The following MAGI2 variants were observed in gnomAD, a reference collection of about 807,000 sequenced individuals.
MAGI2 encodes the protein membrane associated guanylate kinase, WW and PDZ domain containing 2.
A neutral mutation model predicts 133.3 loss-of-function variants in MAGI2; 35 were observed. That is an observed-to-expected ratio of 0.26 (90% CI 0.20 to 0.35). The LOEUF is 0.35. Among genes scored for constraint, MAGI2 ranks in the 10% least tolerant of loss-of-function variants. MAGI2 has a pLI of 1.00. For synonymous variants in MAGI2, 729 were observed against 710.6 expected (o/e 1.03, Z -0.41); for missense variants, 1,636 against 1,863.4 (o/e 0.88, Z 2.25).
At chr7:79,385,536 T>C (rs531107545) in intron 1 of MAGI2, among the ~76,000 whole-genome samples, 7 of 151,818 alleles carry the variant, frequency 4.6e-5, no homozygotes, top group Middle Eastern at 6.3e-3. Flanking sequence ...TCACACATTG[T>C]AGCAGAAAAA....
intron 1 of MAGI2, among the ~76,000 whole-genome samples, chr7:79,339,057 A>T (rs1840696091): frequency 6.6e-6 from 1 of 152,266 alleles, no homozygotes; most frequent in Middle Eastern, 3.4e-3. Context: ...TTTCTAGAAA[A>T]TAAGTACAAG....
At chr7:78,957,036 G>A (rs1431999190) in intron 2 of MAGI2, among the ~76,000 whole-genome samples, 1 of 151,958 alleles carries the variant, frequency 6.6e-6, no homozygotes, top group African/African-American at 2.4e-5. Flanking sequence ...GGCCGAGGTG[G>A]GTGGATCACC....
intron 1 of MAGI2, among the ~76,000 whole-genome samples, chr7:79,245,573 A>G (rs761921181): frequency 4.6e-5 from 7 of 152,182 alleles, no homozygotes; most frequent in African/African-American, 7.2e-5. Flanking sequence ...AATAATGGGA[A>G]GGACTTTATC....
At chr7:78,298,409 G>A (rs938960228) in intron 9 of MAGI2, among the ~76,000 whole-genome samples, 1 of 152,152 alleles carries the variant, frequency 6.6e-6, no homozygotes, top group Non-Finnish European at 1.5e-5. Context: ...GTTCATTAAG[G>A]GTAACAAATA....
At chr7:78,576,299 G>T (rs1168418656) in intron 3 of MAGI2, among the ~76,000 whole-genome samples, 1 of 151,712 alleles carries the variant, frequency 6.6e-6, no homozygotes. Flanking sequence ...TTACTCATTT[G>T]TGGTATTATT....
intron 2 of MAGI2, among the ~76,000 whole-genome samples, chr7:79,004,252 T>C (rs1807199319): frequency 6.6e-6 from 1 of 152,112 alleles, no homozygotes; most frequent in Admixed American, 6.6e-5. Flanking sequence ...GTGGTATATA[T>C]AGATGATGGA....
intron 18 of MAGI2, among the ~76,000 whole-genome samples, chr7:78,131,577 A>G (rs1011209486): frequency 2.0e-5 from 3 of 152,320 alleles, no homozygotes; most frequent in South Asian, 2.1e-4. Flanking sequence ...GTTTATATGC[A>G]GAGGTGTTTC....
chr7:78,575,303 G>T (rs567954748), intron 3 of MAGI2, among the ~76,000 whole-genome samples: 1 of 150,116 alleles, frequency 6.7e-6, no homozygotes, highest in South Asian at 2.1e-4. Context: ...GAAAGTAACG[G>T]CAAAAACTAT....
intron 9 of MAGI2, among the ~76,000 whole-genome samples, chr7:78,297,413 C>T (rs1478039748): frequency 2.6e-5 from 4 of 152,066 alleles, no homozygotes; most frequent in African/African-American, 9.7e-5. Context: ...TTGTGGAAGT[C>T]AGTGTGGTGA....
At chr7:79,215,788 T>G (rs1373298311) in intron 1 of MAGI2, among the ~76,000 whole-genome samples, 4 of 151,972 alleles carry the variant, frequency 2.6e-5, no homozygotes, top group East Asian at 1.9e-4. Flanking sequence ...TGGGAAAATG[T>G]TCTCAGGGCC....
intron 2 of MAGI2, among the ~76,000 whole-genome samples, chr7:78,797,010 G>A (rs1787673865): frequency 6.6e-6 from 1 of 152,002 alleles, no homozygotes; most frequent in Non-Finnish European, 1.5e-5. Flanking sequence ...AAGAGAAGTT[G>A]GTTCATGGGT....
chr7:78,904,690 A>G lies in MAGI2; in HGVS notation c.418+102400T>C, dbSNP rs74591060. Among the ~76,000 whole-genome samples the G allele has an allele frequency of 9.6e-3, 1,457 of 152,148 alleles. 14 individuals are homozygous for G. Among genetic ancestry groups the G allele is most frequent in the South Asian group, 0.05 (241 of 4,820 alleles). On this transcript the variant is annotated intron_variant, in intron 2 of 21. Transcript: ENST00000354212. ...ACTAATTTTTGTATTTTTAGTCGAG[A>G]CCGGGTTCCACCATGTTGGCTAAGC...
chr7:78,688,456 C>CA (rs774410214), intron 2 of MAGI2, among the ~76,000 whole-genome samples: 10 of 149,150 alleles, frequency 6.7e-5, no homozygotes, highest in Admixed American at 1.3e-4. Flanking sequence ...TTTATGAAGA[C>CA]AAAAAAAAAT....
rs1236360295 is a variant in MAGI2, at chr7:78,967,863, C to A, written c.418+39227G>T. ...TTGTTTGTTTTGAGATGGAGTCTCG[C>A]TCTGTCACCCAGGCTGGAATGCAGT... On this transcript the variant is annotated intron_variant, in intron 2 of 21. Coordinates refer to ENST00000354212, the MANE Select transcript of MAGI2 (RefSeq NM_012301.4). Among the ~76,000 whole-genome samples, 3 of 152,090 alleles carry A rather than the reference C, an allele frequency of 2.0e-5. No homozygotes were observed. In the East Asian group the frequency reaches 5.8e-4, roughly 29 times the overall value.
At position 78,019,263 on chromosome 7, in the gene MAGI2, C is replaced by T. The variant is rs1808036350; in HGVS notation, c.*52G>A. 2 of 1,570,166 alleles carry T rather than the reference C, an allele frequency of 1.3e-6. No individual in the cohort carries two copies. Among genetic ancestry groups the T allele is most frequent in the South Asian group, 1.2e-5 (1 of 86,820 alleles). ...AAATTAAAACGCCGTGAGACGGAAC[C>T]TAAGAAGAACTGCCTGCGCCGGGGC... On this transcript the variant is annotated 3_prime_UTR_variant, in exon 22 of 22. Transcript: ENST00000354212.
intron 6 of MAGI2, among the ~76,000 whole-genome samples, chr7:78,481,898 A>G (rs1792424384): frequency 6.6e-6 from 1 of 151,934 alleles, no homozygotes; most frequent in South Asian, 2.1e-4. Flanking sequence ...CATAAAAGGA[A>G]AAATGATAAT....
At chr7:79,437,674 T>C (rs936324590) in intron 1 of MAGI2, among the ~76,000 whole-genome samples, 2 of 152,122 alleles carry the variant, frequency 1.3e-5, no homozygotes, top group African/African-American at 4.8e-5. Flanking sequence ...TGGTCTTAAA[T>C]TAGCACTTTA....
chr7:79,362,050 G>A (rs2129123765), intron 1 of MAGI2, among the ~76,000 whole-genome samples: 1 of 151,730 alleles, frequency 6.6e-6, no homozygotes, highest in Non-Finnish European at 1.5e-5. Context: ...GTAGAAACAA[G>A]GAAATAGTAA....
chr7:78,903,626 TTTATC>T (rs2151598239), intron 2 of MAGI2, among the ~76,000 whole-genome samples: 1 of 152,320 alleles, frequency 6.6e-6, no homozygotes, highest in Non-Finnish European at 1.5e-5. Flanking sequence ...GCTTTTATTC[TTTATC>T]TTGTTTTTAA....
Sources: allele counts gnomAD v4.1 joint callset (sites outside exome capture counted in the v4.1 genomes callset), GRCh38; gene constraint gnomAD v4.1.1; transcripts MANE v1.5; gene names NCBI Gene and HGNC (gene_info 2026-07-23, HGNC 2026-07-21).